BICC1: variants seen among roughly 807,000 people sequenced by gnomAD.
BICC1 encodes BicC family RNA binding protein 1.
A neutral mutation model predicts 111.0 loss-of-function variants in BICC1; 43 were observed. The observed-to-expected ratio is 0.39, with a 90% CI of 0.30 to 0.50. The LOEUF (loss-of-function observed/expected upper bound fraction) is 0.50, where lower values mean the gene tolerates loss of function less well. Among genes scored for constraint, BICC1 ranks in the 20% least tolerant of loss-of-function variants. The probability of loss-of-function intolerance (pLI) is 0.88; values close to 1 mark genes in which losing one functional copy is unlikely to be tolerated. For missense variants in BICC1, 1,091 were observed against 1,203.2 expected, an observed-to-expected ratio of 0.91 and a Z score of 1.38; for synonymous variants, 467 against 434.4, an observed-to-expected ratio of 1.07 and a Z score of -0.93.
intron 1 of BICC1, among the ~76,000 whole-genome samples, chr10:58,571,433 C>T (rs1033070143): frequency 6.6e-6 from 1 of 152,134 alleles, no homozygotes; most frequent in South Asian, 2.1e-4. Context: ...ATTGTCCCAT[C>T]ACCCAGGTAT....
Position 58,697,456 on chromosome 10 carries a change from A to C in BICC1, c.238-4618A>C, listed in dbSNP as rs562858351. Among the ~76,000 whole-genome samples the C allele has an allele frequency of 9.2e-5, 14 of 152,274 alleles. No homozygotes were observed. In the South Asian group the frequency reaches 1.9e-3, roughly 20 times the overall value. ...AAGGTGCAAATAGGGACAATAATGAAATTTTTTTAGAGATCAAAAACCAAC... is the reference window on the plus strand; with the variant it reads ...AAGGTGCAAATAGGGACAATAATGACATTTTTTTAGAGATCAAAAACCAAC... On this transcript the variant is annotated intron_variant, in intron 2 of 20. Transcript: ENST00000373886.
intron 3 of BICC1, among the ~76,000 whole-genome samples, chr10:58,762,613 G>C (rs1478165961): frequency 6.6e-6 from 1 of 151,786 alleles, no homozygotes; most frequent in Non-Finnish European, 1.5e-5. Flanking sequence ...CCTGCTGCAG[G>C]GAATATCCAG....
intron 1 of BICC1, among the ~76,000 whole-genome samples, chr10:58,548,949 T>A (rs1489797856): frequency 6.6e-6 from 1 of 152,054 alleles, no homozygotes; most frequent in African/African-American, 2.4e-5. Context: ...AGCCTCAACT[T>A]CCTGGGCTCA....
intron 2 of BICC1, among the ~76,000 whole-genome samples, chr10:58,656,484 CA>C (rs1838655289): frequency 6.7e-6 from 1 of 149,822 alleles, no homozygotes; most frequent in Non-Finnish European, 1.5e-5. Context: ...AGCAGCACAT[CA>C]AAAAGCTTAT....
rs765794667 is a variant in BICC1 at position 58,796,429 on chromosome 10, C to T, written c.1269C>T (p.Thr423=). The T allele has an allele frequency of 1.2e-6, 2 of 1,613,960 alleles. No individual in the cohort carries two copies. The highest frequency in any genetic ancestry group is 4.5e-5 in the East Asian group (2 of 44,856). Reference sequence around the variant, plus strand: ...TCGGACTTGAAAGCAGTGGGGTTACCATAGCAACCAGTCCATCCCCAGCAT... The same window carrying T: ...TCGGACTTGAAAGCAGTGGGGTTACTATAGCAACCAGTCCATCCCCAGCAT... The part of the protein sequence containing the change: ...CLLGLESSGV[T]IATSPSPASC... The change falls in exon 10 of 21, where the codon ACC becomes ACT. Residue 423 remains threonine, a synonymous_variant. Transcript: ENST00000373886.
At chr10:58,801,158 G>T in intron 14 of BICC1, 112 bp downstream of exon 14, 1 of 947,668 alleles carries the variant, frequency 1.1e-6, no homozygotes, top group Non-Finnish European at 1.4e-6. Flanking sequence ...TCATCCATGG[G>T]TGTTTTCATT....
At chr10:58,561,941 A>G (rs1264209087) in intron 1 of BICC1, among the ~76,000 whole-genome samples, 1 of 152,110 alleles carries the variant, frequency 6.6e-6, no homozygotes, top group African/African-American at 2.4e-5. Context: ...TTGAATATAT[A>G]ATACCATTTT....
chr10:58,568,474 T>C (rs540620260), intron 1 of BICC1, among the ~76,000 whole-genome samples: 3 of 152,290 alleles, frequency 2.0e-5, no homozygotes, highest in African/African-American at 7.2e-5. Flanking sequence ...ATAGCACTTA[T>C]TTTAATGTTC....
intron 14 of BICC1, 93 bp from the exon 15 acceptor site, chr10:58,802,984 T>C (rs1843595452): frequency 8.1e-7 from 1 of 1,230,160 alleles, no homozygotes; most frequent in Non-Finnish European, 1.1e-6. Flanking sequence ...TAGCTGATGA[T>C]GATAAACATG....
At chr10:58,788,766 G>T (rs1843086705) in intron 6 of BICC1, among the ~76,000 whole-genome samples, 1 of 152,114 alleles carries the variant, frequency 6.6e-6, no homozygotes, top group South Asian at 2.1e-4. Flanking sequence ...AAACTCTCAG[G>T]TTTCACAAAA....
At chr10:58,784,169 T>A (rs1474874315) in intron 3 of BICC1, among the ~76,000 whole-genome samples, 5 of 152,174 alleles carry the variant, frequency 3.3e-5, no homozygotes, top group African/African-American at 1.2e-4. Context: ...AATTAGATAA[T>A]TTATTTGATT....
At chr10:58,786,269 T>C (rs1475537365) in intron 4 of BICC1, among the ~76,000 whole-genome samples, 1 of 152,182 alleles carries the variant, frequency 6.6e-6, no homozygotes, top group African/African-American at 2.4e-5. Flanking sequence ...TTATTTATTA[T>C]GTCTTAGAAT....
chr10:58,756,910 T>C (rs1035515244), intron 3 of BICC1, among the ~76,000 whole-genome samples: 1 of 152,184 alleles, frequency 6.6e-6, no homozygotes, highest in Non-Finnish European at 1.5e-5. Flanking sequence ...TCCTTGGTAG[T>C]TGGATTTCAG....
rs941333633 is a variant in BICC1, at chr10:58,606,562, TAATA to T, written c.191-14278_191-14275del. 1.3e-3 allele frequency among the ~76,000 whole-genome samples: 202 copies of T among 152,078 alleles called. 1 individual carries two copies. The highest frequency in any genetic ancestry group is 4.5e-3 in the African/African-American group (187 of 41,502). Reference sequence around the variant, plus strand: ...ATCTACCCTAAAACTTAAAGTATAATAATAAATAAATAAATAAAATAAATTTTCC... The same window carrying T: ...ATCTACCCTAAAACTTAAAGTATAATAATAAATAAATAAAATAAATTTTCC... On this transcript the variant is annotated intron_variant, in intron 1 of 20. Transcript: ENST00000373886.
At chr10:58,522,065 T>C (rs938166067) in intron 1 of BICC1, among the ~76,000 whole-genome samples, 1 of 151,914 alleles carries the variant, frequency 6.6e-6, no homozygotes, top group South Asian at 2.1e-4. Flanking sequence ...CTTGAAGCAT[T>C]TTAGTCTGGG....
At chr10:58,700,727 C>T (rs761185432) in intron 2 of BICC1, among the ~76,000 whole-genome samples, 11 of 152,086 alleles carry the variant, frequency 7.2e-5, no homozygotes, top group African/African-American at 9.7e-5. Flanking sequence ...CCTTTGACCT[C>T]GCAGTCAGAG....
intron 19 of BICC1, among the ~76,000 whole-genome samples, chr10:58,818,678 G>A (rs1844169582): frequency 6.6e-6 from 1 of 151,590 alleles, no homozygotes; most frequent in South Asian, 2.1e-4. Flanking sequence ...TAAATTTCAG[G>A]GTATTGATTT....
intron 3 of BICC1, among the ~76,000 whole-genome samples, chr10:58,784,481 G>A (rs923812575): frequency 6.6e-6 from 1 of 152,156 alleles, no homozygotes; most frequent in African/African-American, 2.4e-5. Context: ...ATTGCATAAA[G>A]TGTGGATCCA....
At chr10:58,626,355 A>T (rs767021583) in intron 2 of BICC1, among the ~76,000 whole-genome samples, 17 of 152,192 alleles carry the variant, frequency 1.1e-4, no homozygotes, top group Non-Finnish European at 2.2e-4. Flanking sequence ...TTTTCTTTAT[A>T]CTACTGTCTA....
Sources: allele counts gnomAD v4.1 joint callset (sites outside exome capture counted in the v4.1 genomes callset), GRCh38; gene constraint gnomAD v4.1.1; transcripts MANE v1.5; gene names NCBI Gene and HGNC (gene_info 2026-07-23, HGNC 2026-07-21).